The following FKBP5 variants were observed in gnomAD, a reference collection of about 807,000 sequenced individuals.
FKBP5 encodes the protein FKBP prolyl isomerase 5.
A neutral mutation model predicts 50.5 loss-of-function variants in FKBP5; 23 were observed. The observed-to-expected ratio is 0.46, with a 90% CI of 0.33 to 0.65. FKBP5 has a LOEUF of 0.65. Among genes scored for constraint, FKBP5 ranks in the 30% least tolerant of loss-of-function variants. The pLI is 0.02. For synonymous variants in FKBP5, 176 were observed against 190.6 expected, an observed-to-expected ratio of 0.92 and a Z score of 0.63; for missense variants, 411 against 553.1, an observed-to-expected ratio of 0.74 and a Z score of 2.58.
intron 1 of FKBP5, chr6:35,652,050 T>C (rs1764816631): frequency 5.9e-6 from 1 of 170,626 alleles, no homozygotes; most frequent in African/African-American, 2.4e-5. Context: ...ATTAATATTT[T>C]TGTAATTTCT....
At chr6:35,584,293 A>G in intron 8 of FKBP5, 1 of 985,462 alleles carries the variant, frequency 1.0e-6, no homozygotes, top group Non-Finnish European at 1.2e-6. Context: ...CAATGGCAAA[A>G]TCATTCCCAC....
chr6:35,594,528 A>G (rs1762917399), intron 6 of FKBP5, among the ~76,000 whole-genome samples: 1 of 152,180 alleles, frequency 6.6e-6, no homozygotes, highest in Non-Finnish European at 1.5e-5. Flanking sequence ...TGTTTTATGA[A>G]AGTGGGAAGC....
At position 35,713,059 on chromosome 6, in the gene FKBP5, A is replaced by G. The variant is rs1458454902; in HGVS notation, c.-20+7269T>C. The stretch of plus-strand genomic sequence containing the variant: ...GCTACTGCACTCCAGCCCAGGCGAC[A>G]ATGCAAGATCTGGTCTCTAAAAAAA... On this transcript the variant is annotated intron_variant, in intron 2 of 11. Transcript: ENST00000536438. 2.6e-4 allele frequency among the ~76,000 whole-genome samples: 38 copies of G among 143,882 alleles called. 1 individual carries two copies. Among genetic ancestry groups the G allele is most frequent in the Non-Finnish European group, 3.0e-5 (2 of 66,628 alleles). The allele number at this position is 143,882 out of a possible 152,430, so 94.4% of individuals were successfully genotyped here.
intron 5 of FKBP5, among the ~76,000 whole-genome samples, chr6:35,599,001 A>AATAAATAAAT (rs1428372684): frequency 3.9e-5 from 6 of 151,964 alleles, no homozygotes; most frequent in African/African-American, 1.5e-4. Flanking sequence ...TAAATAAATA[A>AATAAATAAAT]AAATAAAAAA....
chr6:35,582,458 C>T (rs1453647012), intron 8 of FKBP5: 3 of 382,356 alleles, frequency 7.8e-6, no homozygotes, highest in African/African-American at 2.2e-5. Flanking sequence ...AGAAGAAACT[C>T]GGGTGCTTGC....
intron 1 of FKBP5, among the ~76,000 whole-genome samples, chr6:35,674,105 A>G (rs571488713): frequency 5.9e-5 from 9 of 152,334 alleles, no homozygotes; most frequent in Non-Finnish European, 1.2e-4. Flanking sequence ...TTTTGAGGAC[A>G]GAGAGGAAAC....
intron 3 of FKBP5, among the ~76,000 whole-genome samples, chr6:35,621,709 CCTGTAATCCCAG>C (rs1178205311): frequency 7.3e-5 from 11 of 151,578 alleles, no homozygotes; most frequent in South Asian, 2.1e-4. Context: ...TTGGCTCGCG[CCTGTAATCCCAG>C]CTGTAATCCC....
intron 1 of FKBP5, among the ~76,000 whole-genome samples, chr6:35,666,654 G>A (rs1480422537): frequency 6.6e-6 from 1 of 152,134 alleles, no homozygotes; most frequent in Non-Finnish European, 1.5e-5. Context: ...ACTTTGGGAA[G>A]CTGAGGCAGG....
At chr6:35,582,051 G>A in intron 8 of FKBP5, 2 of 985,552 alleles carry the variant, frequency 2.0e-6, no homozygotes, top group Non-Finnish European at 2.4e-6. Flanking sequence ...GCCCTGGTGT[G>A]GATTTTCTGG....
At chr6:35,648,035 C>T (rs1764677885) in intron 1 of FKBP5, among the ~76,000 whole-genome samples, 1 of 152,154 alleles carries the variant, frequency 6.6e-6, no homozygotes, top group South Asian at 2.1e-4. Context: ...CTGGGCTAAA[C>T]AACAGAATCA....
At chr6:35,642,083 G>C (rs369755399) in intron 2 of FKBP5, among the ~76,000 whole-genome samples, 58 of 152,046 alleles carry the variant, frequency 3.8e-4, no homozygotes, top group African/African-American at 1.4e-3. Context: ...TCCTTAAAAA[G>C]TCTTCAAAAT....
chr6:35,726,306 C>A (rs1178872619), intron 1 of FKBP5, among the ~76,000 whole-genome samples: 1 of 152,152 alleles, frequency 6.6e-6, no homozygotes, highest in Non-Finnish European at 1.5e-5. Flanking sequence ...AGAGAACAGG[C>A]AGTGCCCAGG....
At chr6:35,621,643 T>G (rs1329612557) in intron 3 of FKBP5, among the ~76,000 whole-genome samples, 2 of 135,846 alleles carry the variant, frequency 1.5e-5, no homozygotes, top group Non-Finnish European at 3.1e-5. Context: ...AAAGGCTAAA[T>G]GACAAATGAG....
chr6:35,684,339 T>G (rs951912158), intron 1 of FKBP5, among the ~76,000 whole-genome samples: 2 of 152,024 alleles, frequency 1.3e-5, no homozygotes, highest in Non-Finnish European at 2.9e-5. Flanking sequence ...CCACCACACC[T>G]GGCTAACTTT....
At chr6:35,635,428 G>C (rs1261005938) in intron 3 of FKBP5, among the ~76,000 whole-genome samples, 1 of 151,940 alleles carries the variant, frequency 6.6e-6, no homozygotes, top group African/African-American at 2.4e-5. Context: ...GCCGGCCCGG[G>C]TGACAGATCG....
rs141920881 is a variant in FKBP5 at position 35,606,420 on chromosome 6, G to A, written c.509-9016C>T. On this transcript the variant is annotated intron_variant, in intron 5 of 10. Coordinates refer to ENST00000357266, the MANE Select transcript of FKBP5 (RefSeq NM_004117.4). ...TGCCTTTAATCCCAGCACTTTGGGA[G>A]GCCGAGGCAGGCAGATCATGAGGTC... is the stretch of plus-strand genomic sequence containing the variant. Among the ~76,000 whole-genome samples the A allele has an allele frequency of 4.4e-4, 67 of 152,090 alleles. No homozygotes were observed. The East Asian group carries it at 0.013, about 29-fold the overall frequency.
intron 1 of FKBP5, among the ~76,000 whole-genome samples, chr6:35,722,075 C>A (rs938710831): frequency 1.4e-5 from 2 of 147,324 alleles, no homozygotes; most frequent in African/African-American, 5.1e-5. Context: ...TAGCAGCCTT[C>A]CCTGAGTACT....
chr6:35,695,870 C>T (rs1027037095), intron 2 of FKBP5, among the ~76,000 whole-genome samples: 1 of 151,968 alleles, frequency 6.6e-6, no homozygotes, highest in Non-Finnish European at 1.5e-5. Context: ...TTAGGCCGGG[C>T]GTGGTGGCTC....
chr6:35,584,783 T>C (rs949878319), intron 8 of FKBP5: 1 of 985,198 alleles, frequency 1.0e-6, no homozygotes, highest in Admixed American at 6.1e-5. Context: ...AAATTTTGCC[T>C]ATCAAATTCC....
Sources: allele counts gnomAD v4.1 joint callset (sites outside exome capture counted in the v4.1 genomes callset), GRCh38; gene constraint gnomAD v4.1.1; transcripts MANE v1.5; gene names NCBI Gene and HGNC (gene_info 2026-07-23, HGNC 2026-07-21).